SPTBN4: variants seen among roughly 807,000 people sequenced by gnomAD.
The protein encoded by SPTBN4 is spectrin beta, non-erythrocytic 4, also known as spectrin beta chain, non-erythrocytic 4.
Under a neutral mutation model 277.8 loss-of-function variants are expected in SPTBN4, and 96 were observed. That is an observed-to-expected ratio of 0.35 (90% CI 0.29 to 0.41). The LOEUF (loss-of-function observed/expected upper bound fraction) is 0.41. SPTBN4 is among the 10% of genes least tolerant of loss of function. The pLI is 1.00. For synonymous variants in SPTBN4, 1,481 were observed against 1,580.3 expected, an observed-to-expected ratio of 0.94 and a Z score of 1.49; for missense variants, 3,006 against 3,595.7, an observed-to-expected ratio of 0.84 and a Z score of 4.19.
At position 40,515,300 on chromosome 19, in the gene SPTBN4, T is replaced by C; in HGVS notation, c.2766-11T>C. ...GGGTTCGGGTGTCTGAGCATCTCCA[T>C]CCTCCTGCAGATTCGAGAGCCTGGA... On this transcript the variant is annotated splice_polypyrimidine_tract_variant and intron_variant, in intron 14 of 35. Coordinates refer to ENST00000598249, the MANE Select transcript of SPTBN4 (RefSeq NM_020971.3). This position sits in a 1 kb window ranked among gnomAD's most constrained non-coding sequence, Gnocchi z 4.1. The C allele has an allele frequency of 6.2e-7, 1 of 1,612,110 alleles. No individual in the cohort carries two copies. Among genetic ancestry groups the C allele is most frequent in the Non-Finnish European group, 8.5e-7 (1 of 1,179,310 alleles).
chr19:40,510,930 T>A lies in SPTBN4; in HGVS notation c.1817-1676T>A, dbSNP rs1365387348. 2.0e-5 allele frequency among the ~76,000 whole-genome samples: 3 copies of A among 151,942 alleles called. No homozygotes were observed. In the East Asian group the frequency reaches 5.8e-4, roughly 29 times the overall value. On this transcript the variant is annotated intron_variant, in intron 13 of 35. Coordinates refer to ENST00000598249, the MANE Select transcript of SPTBN4 (RefSeq NM_020971.3). ...TACTCAGGAAGCTGAGGCGGGAGGA[T>A]TACTTGAGCCCAGGAGTTGGAGGCT...
intron 13 of SPTBN4, among the ~76,000 whole-genome samples, chr19:40,510,294 T>G (rs2080376546): frequency 6.6e-6 from 1 of 151,972 alleles, no homozygotes; most frequent in Non-Finnish European, 1.5e-5. Flanking sequence ...GGAAGCTGTT[T>G]TTTTTTTGTT....
chr19:40,569,117 T>C (rs984898425), intron 31 of SPTBN4, among the ~76,000 whole-genome samples: 22 of 152,144 alleles, frequency 1.4e-4, no homozygotes, highest in African/African-American at 5.3e-4. Context: ...CAAGTTGTTC[T>C]TTGTGCTGCT....
chr19:40,568,410 C>T, intron 31 of SPTBN4, 128 bp downstream of exon 31: 1 of 1,325,156 alleles, frequency 7.5e-7, no homozygotes, highest in Non-Finnish European at 1.0e-6. Flanking sequence ...CGCCGCGGTA[C>T]CCATTTTGCA....
Position 40,490,154 on chromosome 19 carries a change from G to C in SPTBN4, c.401G>C (p.Arg134Pro). Residue 134 changes from arginine to proline, a missense_variant, in exon 4 of 36, where the codon CGC becomes CCC. Arg to Pro is a moderately radical substitution (Grantham distance 103). Around this residue, in one of 5 missense-constraint regions of SPTBN4, gnomAD observed 114 missense variants for 196.1 expected, o/e 0.58. Coordinates refer to ENST00000598249, the MANE Select transcript of SPTBN4 (RefSeq NM_020971.3). The surrounding 1 kb of genome is among the most constrained non-coding windows in gnomAD (Gnocchi z 4.3). ...DKALQFLKEQRVHLENVGSHD... is the reference protein window; with the variant it reads ...DKALQFLKEQPVHLENVGSHD... ...GCGCTGCAGTTTCTGAAGGAGCAGC[G>C]CGTGCACCTGGAGAACGTGGGTTCG... The C allele has an allele frequency of 1.9e-6, 3 of 1,614,204 alleles. No homozygotes were observed. The highest frequency in any genetic ancestry group is 2.5e-6 in the Non-Finnish European group (3 of 1,180,036).
At chr19:40,485,180 C>T (rs781172520) in intron 2 of SPTBN4, among the ~76,000 whole-genome samples, 2 of 151,924 alleles carry the variant, frequency 1.3e-5, no homozygotes, top group African/African-American at 4.8e-5. Context: ...GGCAGAGTCT[C>T]GCTTTGTAGC....
chr19:40,479,447 C>T (rs78432866), intron 2 of SPTBN4, among the ~76,000 whole-genome samples: 37 of 151,966 alleles, frequency 2.4e-4, no homozygotes, highest in African/African-American at 8.9e-4. Context: ...TTTCTTCTCC[C>T]CTGTAGGCAA....
rs557420444 is a variant in SPTBN4, at chr19:40,494,817, G to C, written c.588-80G>C. The C allele has an allele frequency of 2.5e-6, 3 of 1,209,136 alleles. No individual in the cohort carries two copies. The African/African-American group carries it at 4.5e-5, about 18-fold the overall frequency. The allele number at this position is 1,209,136 out of a possible 1,614,324, so 74.9% of individuals were successfully genotyped here. On this transcript the variant is annotated intron_variant, in intron 5 of 35. Coordinates refer to ENST00000598249, the MANE Select transcript of SPTBN4 (RefSeq NM_020971.3). ...CTCTCATCTTCCTTCCCTATCATTC[G>C]GTCTCCCTCTGTCTTTTTCCCCTTT...
chr19:40,521,070 G>A (rs139030541), intron 16 of SPTBN4, among the ~76,000 whole-genome samples: 1,916 of 152,148 alleles, frequency 0.013, 38 homozygotes, highest in African/African-American at 0.044. Flanking sequence ...GACTACAGGC[G>A]CGAGCCACCA....
rs144787579 is a variant in SPTBN4 at position 40,502,161 on chromosome 19, A to T, written c.931A>T (p.Ile311Leu). 589 of 1,614,118 alleles carry T rather than the reference A, an allele frequency of 3.6e-4. No homozygotes were observed. The highest frequency in any genetic ancestry group is 7.5e-4 in the Admixed American group (45 of 60,016). The change falls in exon 9 of 36, where the codon ATA becomes TTA. Residue 311 changes from isoleucine to leucine, a missense_variant. Ile to Leu is a conservative substitution (Grantham distance 5, BLOSUM62 2). Transcript: ENST00000598249. This position sits in a 1 kb window ranked among gnomAD's most constrained non-coding sequence, Gnocchi z 4.9. ...CCAGGTATTGGAGGTGGGGAAGATC[A>T]TAGAACGCTACGAGGAGCTGGCGGC... ...LDQVLEVGKIIERYEELAAEL... is the reference protein window; with the variant it reads ...LDQVLEVGKILERYEELAAEL...
intron 3 of SPTBN4, among the ~76,000 whole-genome samples, chr19:40,489,829 A>C (rs894288798): frequency 3.3e-5 from 5 of 152,166 alleles, no homozygotes; most frequent in African/African-American, 1.2e-4. Context: ...GAAGGGGCAG[A>C]GCCAGGGACG....
chr19:40,522,316 C>T (rs2080536319), intron 16 of SPTBN4, among the ~76,000 whole-genome samples: 1 of 151,378 alleles, frequency 6.6e-6, no homozygotes, highest in African/African-American at 2.4e-5. Flanking sequence ...GCATGAGCCA[C>T]CGTGCCCAGC....
At chr19:40,563,595 G>A (rs1283096243) in intron 27 of SPTBN4, among the ~76,000 whole-genome samples, 1 of 151,214 alleles carries the variant, frequency 6.6e-6, no homozygotes, top group Non-Finnish European at 1.5e-5. Context: ...TATTAATGAG[G>A]CCAGGCAGTT....
chr19:40,516,479 A>AT (rs999848795), intron 15 of SPTBN4, among the ~76,000 whole-genome samples: 5 of 151,742 alleles, frequency 3.3e-5, no homozygotes, highest in East Asian at 1.9e-4. Context: ...ATTAAAAAAA[A>AT]TTTTTTTTGT....
At chr19:40,473,704 T>A (rs929130661) in intron 2 of SPTBN4, among the ~76,000 whole-genome samples, 1 of 152,080 alleles carries the variant, frequency 6.6e-6, no homozygotes. Context: ...GACTGCTGTA[T>A]AGGTCAGCAC....
intron 15 of SPTBN4, among the ~76,000 whole-genome samples, chr19:40,516,940 G>C (rs1388393169): frequency 6.6e-6 from 1 of 152,170 alleles, no homozygotes; most frequent in Non-Finnish European, 1.5e-5. Context: ...AACTCTTTAA[G>C]ATAAGTAACA....
chr19:40,558,744 A>G (rs2081010527), intron 26 of SPTBN4, among the ~76,000 whole-genome samples: 1 of 151,084 alleles, frequency 6.6e-6, no homozygotes, highest in Non-Finnish European at 1.5e-5. Flanking sequence ...AATAGCTGGG[A>G]TTACATGCAC....
At chr19:40,570,388 CACACCCTCTCCATGGA>C (rs1320540942) in intron 32 of SPTBN4, 32 bp from the exon 33 acceptor site, 1 of 1,470,840 alleles carries the variant, frequency 6.8e-7, no homozygotes, top group Non-Finnish European at 9.1e-7. Flanking sequence ...AGATGACCCC[CACACCCTCTCCATGGA>C]CAGCACCCCT....
chr19:40,517,004 G>T (rs1169355442), intron 15 of SPTBN4, among the ~76,000 whole-genome samples: 2 of 152,132 alleles, frequency 1.3e-5, no homozygotes, highest in African/African-American at 2.4e-5. Flanking sequence ...GTGCAGGTGG[G>T]GTTCATAGAT....
Sources: allele counts gnomAD v4.1 joint callset (sites outside exome capture counted in the v4.1 genomes callset), GRCh38; gene constraint gnomAD v4.1.1; regional missense constraint gnomAD v4.1.1; non-coding constraint Gnocchi (gnomAD v3.1); transcripts MANE v1.5; gene names NCBI Gene and HGNC (gene_info 2026-07-23, HGNC 2026-07-21).